Variants in CLASRP observed in about 807,000 individuals in gnomAD.
The protein encoded by CLASRP is CLK4-associating serine/arginine rich protein.
Under a neutral mutation model 99.9 loss-of-function variants are expected in CLASRP, and 52 were observed. That is an observed-to-expected ratio of 0.52 (90% CI 0.42 to 0.66). The LOEUF is 0.66. CLASRP is among the 30% of genes least tolerant of loss of function. The probability of loss-of-function intolerance (pLI) is 0.00; values close to 1 mark genes in which losing one functional copy is unlikely to be tolerated. For missense variants in CLASRP, 848 were observed against 999.2 expected (o/e 0.85, Z 2.04); for synonymous variants, 379 against 373.0 (o/e 1.02, Z -0.18).
chr19:45,052,907 A>T lies in CLASRP; in HGVS notation c.299+15A>T, dbSNP rs1347671935. 1.9e-6 allele frequency: 3 copies of T among 1,593,834 alleles called. No homozygotes were observed. Among genetic ancestry groups the T allele is most frequent in the African/African-American group, 2.7e-5 (2 of 73,808 alleles). ...CTCACCACCATGTAAGCCACCTCCC[A>T]GGGGGTTGCCAGGCACAGCGTCATA... On this transcript the variant is annotated intron_variant, in intron 4 of 20. Coordinates refer to ENST00000221455, the MANE Select transcript of CLASRP (RefSeq NM_007056.3).
Position 45,067,360 on chromosome 19 carries a change from G to A in CLASRP, c.1433G>A (p.Arg478His), listed in dbSNP as rs777149775. 1.2e-4 allele frequency: 183 copies of A among 1,524,222 alleles called. No homozygotes were observed. The highest frequency in any genetic ancestry group is 2.3e-4 in the Middle Eastern group (1 of 4,406). 94.4% of individuals were successfully genotyped at this position (1,524,222 alleles called of 1,614,324 possible). A position where few individuals can be genotyped will look rare whatever the true frequency, so the allele number is the denominator to read the frequency against. Residue 478 changes from arginine (R) to histidine (H), a missense_variant, in exon 14 of 21, where the codon CGC (arginine) becomes CAC (histidine). Physicochemically the swap from Arg to His is conservative, Grantham distance 29. Around this residue, in one of 8 missense-constraint regions of CLASRP, gnomAD observed 489 missense variants for 434.7 expected, o/e 1.12. Transcript: ENST00000221455. This position sits in a 1 kb window ranked among gnomAD's most constrained non-coding sequence, Gnocchi z 4.9. ...AGGAGCCGCTCCCACTCAGGGGACC[G>A]CTACAGGCGGGGCGGCCGGGGCCTC... Reference protein sequence around the residue: ...RSRSRSHSGDRYRRGGRGLRH... With the variant: ...RSRSRSHSGDHYRRGGRGLRH...
intron 2 of CLASRP, chr19:45,047,449 G>A (rs1010525007): frequency 1.3e-5 from 2 of 151,116 alleles, no homozygotes; most frequent in African/African-American, 4.9e-5. Context: ...AGAGAGGAAG[G>A]GAGGAAGGGA....
intron 2 of CLASRP, among the ~76,000 whole-genome samples, chr19:45,051,438 C>G (rs1254857509): frequency 6.6e-6 from 1 of 152,050 alleles, no homozygotes; most frequent in African/African-American, 2.4e-5. Flanking sequence ...CTCAGGCTCC[C>G]AAGTAGCTGG....
At position 45,067,872 on chromosome 19, in the gene CLASRP, T is replaced by G. The variant is rs1463877388; in HGVS notation, c.1668-143T>G. 1 of 701,686 alleles carries G rather than the reference T, an allele frequency of 1.4e-6. No homozygotes were observed. Among genetic ancestry groups the G allele is most frequent in the Non-Finnish European group, 2.6e-6 (1 of 389,390 alleles). 43.5% of individuals were successfully genotyped at this position (701,686 alleles called of 1,614,324 possible). A position where few individuals can be genotyped will look rare whatever the true frequency, so the allele number is the denominator to read the frequency against. ...CCTGTCTTACAGGTTCTGTGGGGTC[T>G]GAGAGGGACATGGTTGCACCCTGGG... is the stretch of plus-strand genomic sequence containing the variant. On this transcript the variant is annotated intron_variant, in intron 14 of 20. Coordinates refer to ENST00000221455, the MANE Select transcript of CLASRP (RefSeq NM_007056.3). The surrounding 1 kb of genome is among the most constrained non-coding windows in gnomAD (Gnocchi z 4.9).
Position 45,069,540 on chromosome 19 carries a change from C to G in CLASRP, c.1874+292C>G. 3.5e-6 allele frequency: 2 copies of G among 563,964 alleles called. 1 individual carries two copies. The highest frequency in any genetic ancestry group is 4.1e-5 in the South Asian group (2 of 48,482). 34.9% of individuals were successfully genotyped at this position (563,964 alleles called of 1,614,324 possible). A position where few individuals can be genotyped will look rare whatever the true frequency, so the allele number is the denominator to read the frequency against. ...GCCTGGCAAGCTGTTCCTGATACCCCTTCCCCACTCACCCACCGCCATGGG... is the reference window on the plus strand; with the variant it reads ...GCCTGGCAAGCTGTTCCTGATACCCGTTCCCCACTCACCCACCGCCATGGG... On this transcript the variant is annotated intron_variant, in intron 18 of 20. Coordinates refer to ENST00000221455, the MANE Select transcript of CLASRP (RefSeq NM_007056.3).
Position 45,067,580 on chromosome 19 carries a change from C to T in CLASRP, c.1653C>T (p.Gly551=). The T allele has an allele frequency of 1.9e-6, 3 of 1,597,534 alleles. No individual in the cohort carries two copies. The highest frequency in any genetic ancestry group is 2.6e-6 in the Non-Finnish European group (3 of 1,173,702). ...GGCCGGCCGCGTCCCCTGCTGTGGG[C>T]GAGAAGCTGAAAAAGTGAGCGGGGC... ...LTRPAASPAV[G]EKLKKTEPAA... Residue 551 remains glycine, a synonymous_variant, in exon 14 of 21, where the codon GGC becomes GGT. Transcript: ENST00000221455. This position sits in a 1 kb window ranked among gnomAD's most constrained non-coding sequence, Gnocchi z 4.9.
At chr19:45,045,314 G>A (rs1971895405) in intron 2 of CLASRP, among the ~76,000 whole-genome samples, 2 of 152,302 alleles carry the variant, frequency 1.3e-5, no homozygotes, top group South Asian at 4.1e-4. Context: ...CCAGGAGTTC[G>A]AGAACAGCCT....
chr19:45,042,723 C>T (rs1014512619), intron 2 of CLASRP, among the ~76,000 whole-genome samples: 2 of 151,934 alleles, frequency 1.3e-5, no homozygotes, highest in African/African-American at 4.8e-5. Context: ...AGCTATTCTC[C>T]TGCCTCACTC....
At chr19:45,043,721 T>C in intron 2 of CLASRP, among the ~76,000 whole-genome samples, 1 of 152,134 alleles carries the variant, frequency 6.6e-6, no homozygotes. Context: ...TGAGAGCTCC[T>C]TGCTTACCTC....
At chr19:45,046,649 T>TTGAA (rs571848145) in intron 2 of CLASRP, among the ~76,000 whole-genome samples, 27 of 152,216 alleles carry the variant, frequency 1.8e-4, no homozygotes, top group South Asian at 8.3e-4. Context: ...TGCTTAACAG[T>TTGAA]TGAATGAATG....
intron 5 of CLASRP, among the ~76,000 whole-genome samples, chr19:45,055,689 C>T (rs1359880664): frequency 6.6e-6 from 1 of 152,126 alleles, no homozygotes; most frequent in Admixed American, 6.5e-5. Flanking sequence ...CAAAATTAGC[C>T]AGGCACGGTG....
intron 7 of CLASRP, 126 bp downstream of exon 7, chr19:45,058,024 C>G: frequency 8.2e-7 from 1 of 1,213,570 alleles, no homozygotes; most frequent in Non-Finnish European, 1.2e-6. Context: ...CGCCCCAGGG[C>G]ACACCAGCCT....
In CLASRP at chr19:45,040,274, A is replaced by G; in HGVS notation, c.62A>G (p.Lys21Arg). 1 of 1,612,432 alleles carries G rather than the reference A, an allele frequency of 6.2e-7. No homozygotes were observed. The highest frequency in any genetic ancestry group is 2.2e-5 in the East Asian group (1 of 44,856). The change falls in exon 2 of 21, where the codon AAG becomes AGG. Residue 21 changes from lysine to arginine, a missense_variant. By Grantham distance (26) the Lys-to-Arg change is conservative. Coordinates refer to ENST00000221455, the MANE Select transcript of CLASRP (RefSeq NM_007056.3). ...CGAGGCATGATGGTCGACTACAAGA[A>G]GAGGGCGGAGCGGAGACGGGAGTAT... is the stretch of plus-strand genomic sequence containing the variant. ...KLRGMMVDYKKRAERRREYYE... is the reference protein window; with the variant it reads ...KLRGMMVDYKRRAERRREYYE...
Position 45,064,387 on chromosome 19 carries a change from C to CCTGCAGCTCCCG in CLASRP, c.1168_1169insGCAGCTCCCGCT (p.Thr389_Ser390insCysSerSerArg), listed in dbSNP as rs1555732509. 1 of 1,531,116 alleles carries CCTGCAGCTCCCG rather than the reference C, an allele frequency of 6.5e-7. No homozygotes were observed. The highest frequency in any genetic ancestry group is 8.8e-7 in the Non-Finnish European group (1 of 1,142,010). 94.8% of individuals were successfully genotyped at this position (1,531,116 alleles called of 1,614,324 possible). A position where few individuals can be genotyped will look rare whatever the true frequency, so the allele number is the denominator to read the frequency against. On this transcript the variant is annotated inframe_insertion, in exon 13 of 21. Transcript: ENST00000221455. ...TCCTCCTCCTCTTCTGCCTCGAGGA[C>CCTGCAGCTCCCG]CTCCAGCTCCCGCTCCAGCTCTCGC...
intron 7 of CLASRP, chr19:45,058,274 A>C (rs1407859941): frequency 4.5e-6 from 1 of 220,254 alleles, no homozygotes; most frequent in Non-Finnish European, 9.3e-6. Flanking sequence ...GCATCTGTTC[A>C]CCCTCCTCTC....
intron 2 of CLASRP, among the ~76,000 whole-genome samples, chr19:45,043,773 T>C (rs1600093166): frequency 6.6e-6 from 1 of 152,080 alleles, no homozygotes; most frequent in Non-Finnish European, 1.5e-5. Flanking sequence ...GGAGAACTCA[T>C]CTCCGATAGT....
chr19:45,053,045 G>A (rs974836244), intron 4 of CLASRP, 53 bp from the exon 5 acceptor site: 1 of 1,580,570 alleles, frequency 6.3e-7, no homozygotes, highest in Non-Finnish European at 8.7e-7. Flanking sequence ...CTGCTGGCTT[G>A]GGGGGGGATC....
chr19:45,061,412 T>G (rs1441100158), intron 10 of CLASRP, among the ~76,000 whole-genome samples: 1 of 151,932 alleles, frequency 6.6e-6, no homozygotes, highest in Non-Finnish European at 1.5e-5. Flanking sequence ...TACGTAATGC[T>G]GGACAAGTGA....
intron 16 of CLASRP, 101 bp downstream of exon 16, chr19:45,068,581 TAG>T: frequency 1.1e-6 from 1 of 897,544 alleles, no homozygotes; most frequent in Non-Finnish European, 1.9e-6. Flanking sequence ...GGCCCTTCCC[TAG>T]AGAGGCCACG....
Sources: gnomAD v4.1 joint callset for allele counts (sites outside exome capture counted in the v4.1 genomes callset) on GRCh38, gnomAD v4.1.1 for gene constraint, gnomAD v4.1.1 regional missense constraint, Gnocchi (gnomAD v3.1) non-coding constraint, MANE v1.5 for transcripts, NCBI Gene and HGNC (gene_info 2026-07-23, HGNC 2026-07-21) for gene names.